Variants in CALN1 observed in about 807,000 individuals in gnomAD.
The protein encoded by CALN1 is calcium-binding protein 8.
CALN1 carries 17 observed loss-of-function variants against 30.6 expected under a neutral mutation model. The ratio of observed to expected loss-of-function variants is 0.56; its 90% CI spans 0.38 to 0.83. CALN1 has a LOEUF of 0.83. CALN1 is among the 40% of genes least tolerant of loss of function. The pLI, the probability that CALN1 is intolerant of heterozygous loss-of-function variation, is 0.00. For synonymous variants in CALN1, 156 were observed against 131.4 expected (o/e 1.19, Z -1.28); for missense variants, 291 against 354.9 (o/e 0.82, Z 1.45).
intron 3 of CALN1, among the ~76,000 whole-genome samples, chr7:72,114,492 A>T (rs1807826659): frequency 6.6e-6 from 1 of 151,820 alleles, no homozygotes. Context: ...GGTGATGCTG[A>T]AAATATGACA....
intron 3 of CALN1, among the ~76,000 whole-genome samples, chr7:72,227,763 T>A (rs531282649): frequency 6.7e-6 from 1 of 149,620 alleles, no homozygotes; most frequent in South Asian, 2.1e-4. Context: ...AAAAGGAGAA[T>A]CACTCGAACC....
chr7:72,480,429 T>C, the CALN1 span, among the ~76,000 whole-genome samples: 1 of 152,262 alleles, frequency 6.6e-6, no homozygotes, highest in Non-Finnish European at 1.5e-5. Flanking sequence ...TTAGAATTTT[T>C]GCATTTATAT....
intron 3 of CALN1, among the ~76,000 whole-genome samples, chr7:72,112,617 A>G (rs1807661159): frequency 6.6e-6 from 1 of 152,216 alleles, no homozygotes; most frequent in African/African-American, 2.4e-5. Context: ...AGCCTATGAC[A>G]AAGAGATTTA....
chr7:72,151,651 T>A lies in CALN1; in HGVS notation c.245-45357A>T, dbSNP rs73355326. Among the ~76,000 whole-genome samples, 541 of 152,266 alleles carry A rather than the reference T, an allele frequency of 3.6e-3. 7 individuals are homozygous for A. The highest frequency in any genetic ancestry group is 0.012 in the African/African-American group (514 of 41,574). ...TCTCAGCCAGGGAACGTTCTGAATG[T>A]GCCTGCAAGACTAACCAGCTACCTT... is the stretch of plus-strand genomic sequence containing the variant. On this transcript the variant is annotated intron_variant, in intron 3 of 6. Coordinates refer to ENST00000395275, the MANE Select transcript of CALN1 (RefSeq NM_031468.4).
intron 3 of CALN1, among the ~76,000 whole-genome samples, chr7:72,120,359 T>C (rs1190552567): frequency 1.3e-5 from 2 of 152,176 alleles, no homozygotes; most frequent in Non-Finnish European, 2.9e-5. Context: ...CAATCTTCCA[T>C]ATTGGTAACT....
intron 3 of CALN1, among the ~76,000 whole-genome samples, chr7:72,278,471 G>GCA (rs1562830253): frequency 5.4e-5 from 5 of 93,144 alleles, no homozygotes; most frequent in Admixed American, 2.5e-4. Flanking sequence ...TATCAGGTCT[G>GCA]TACACACACA....
chr7:71,995,689 G>A (rs79088226), intron 5 of CALN1, among the ~76,000 whole-genome samples: 2,084 of 152,120 alleles, frequency 0.014, 41 homozygotes, highest in African/African-American at 0.047. Flanking sequence ...TAAGGGAGGT[G>A]CTTTCCTTCC....
chr7:72,365,436 T>C (rs566421217), intron 2 of CALN1, among the ~76,000 whole-genome samples: 162 of 152,162 alleles, frequency 1.1e-3, no homozygotes, highest in African/African-American at 3.5e-3. Context: ...AAATGAGAAA[T>C]ACGTTTTCTA....
chr7:72,387,942 G>A (rs1233364259), intron 2 of CALN1, among the ~76,000 whole-genome samples: 1 of 152,068 alleles, frequency 6.6e-6, no homozygotes, highest in Non-Finnish European at 1.5e-5. Flanking sequence ...GAGATGAGAG[G>A]AATAAGTTGT....
intron 5 of CALN1, among the ~76,000 whole-genome samples, chr7:71,864,200 C>G (rs776646102): frequency 1.2e-4 from 19 of 152,190 alleles, no homozygotes; most frequent in Non-Finnish European, 2.2e-4. Flanking sequence ...TTCAATTACC[C>G]ACAGTCTTTT....
At chr7:71,926,921 T>C (rs979511027) in intron 5 of CALN1, among the ~76,000 whole-genome samples, 2 of 152,202 alleles carry the variant, frequency 1.3e-5, no homozygotes, top group Non-Finnish European at 2.9e-5. Context: ...GCCTTTAATA[T>C]ATTAATCGTA....
At chr7:72,244,735 A>G (rs1362872453) in intron 3 of CALN1, among the ~76,000 whole-genome samples, 2 of 151,974 alleles carry the variant, frequency 1.3e-5, no homozygotes, top group Non-Finnish European at 2.9e-5. Context: ...AAATATAGTT[A>G]TAAGTAGCTT....
At chr7:72,072,508 T>G (rs1804467151) in intron 4 of CALN1, among the ~76,000 whole-genome samples, 1 of 152,156 alleles carries the variant, frequency 6.6e-6, no homozygotes, top group Non-Finnish European at 1.5e-5. Context: ...CAACAGATAC[T>G]AAAGGGAGTC....
At chr7:72,390,390 C>G (rs1805506371) in intron 2 of CALN1, among the ~76,000 whole-genome samples, 1 of 152,084 alleles carries the variant, frequency 6.6e-6, no homozygotes, top group Non-Finnish European at 1.5e-5. Context: ...GAGATCACGC[C>G]ACTGCACTCT....
chr7:72,107,088 A>C (rs1807227760), intron 3 of CALN1, among the ~76,000 whole-genome samples: 1 of 152,148 alleles, frequency 6.6e-6, no homozygotes, highest in Admixed American at 6.5e-5. Flanking sequence ...GCATCCTCCA[A>C]CTCTGGAGGA....
intron 1 of CALN1, among the ~76,000 whole-genome samples, chr7:72,410,326 A>C (rs1242631232): frequency 6.6e-6 from 1 of 152,188 alleles, no homozygotes; most frequent in African/African-American, 2.4e-5. Flanking sequence ...TGAATATCTT[A>C]CTACTAAGAT....
At chr7:72,404,708 TG>T (rs1434133977) in intron 1 of CALN1, among the ~76,000 whole-genome samples, 2 of 152,192 alleles carry the variant, frequency 1.3e-5, no homozygotes, top group African/African-American at 4.8e-5. Flanking sequence ...TGCTCATGCC[TG>T]GGAAGTGGTC....
chr7:72,392,231 C>T lies in CALN1; in HGVS notation c.119+11020G>A, dbSNP rs114390103. On this transcript the variant is annotated intron_variant, in intron 2 of 6. Coordinates refer to ENST00000395275, the MANE Select transcript of CALN1 (RefSeq NM_031468.4). ...GAAGTGATCAAATAATGTCAGCCCC[C>T]AGCCATCTGCGTTTCTCCAACAGAG... Among the ~76,000 whole-genome samples, 1,346 of 152,312 alleles carry T rather than the reference C, an allele frequency of 8.8e-3. 24 individuals carry two copies. Among genetic ancestry groups the T allele is most frequent in the African/African-American group, 0.029 (1,209 of 41,570 alleles).
chr7:71,976,617 GGCT>G lies in CALN1; in HGVS notation c.501+47037_501+47039del, dbSNP rs572245128. 2.3e-3 allele frequency among the ~76,000 whole-genome samples: 344 copies of G among 152,314 alleles called. 1 individual carries two copies. The highest frequency in any genetic ancestry group is 0.02 in the Middle Eastern group (6 of 294). On this transcript the variant is annotated intron_variant, in intron 5 of 6. Coordinates refer to ENST00000395275, the MANE Select transcript of CALN1 (RefSeq NM_031468.4). ...ATCCTTATCCTATTGAAAATGGATA[GGCT>G]GCTTGAAAGGCTGCGTGCAGTGACT...
Sources: allele counts gnomAD v4.1 joint callset (sites outside exome capture counted in the v4.1 genomes callset), GRCh38; gene constraint gnomAD v4.1.1; transcripts MANE v1.5; gene names NCBI Gene and HGNC (gene_info 2026-07-23, HGNC 2026-07-21).